Variants in DST observed in about 807,000 individuals in gnomAD.
DST encodes the protein bullous pemphigoid antigen.
DST carries 253 observed loss-of-function variants against 875.2 expected under a neutral mutation model. The ratio of observed to expected loss-of-function variants is 0.29; its 90% CI spans 0.26 to 0.32. The LOEUF (loss-of-function observed/expected upper bound fraction) is 0.32, where lower values mean the gene tolerates loss of function less well. Among genes scored for constraint, DST ranks in the 10% least tolerant of loss-of-function variants. The probability of loss-of-function intolerance (pLI) is 1.00; values close to 1 mark genes in which losing one functional copy is unlikely to be tolerated. For synonymous variants in DST, 3,124 were observed against 3,197.1 expected, an observed-to-expected ratio of 0.98 and a Z score of 0.77; for missense variants, 8,287 against 9,111.6, an observed-to-expected ratio of 0.91 and a Z score of 3.68.
chr6:56,771,813 T>C (rs1213103969), intron 4 of DST, among the ~76,000 whole-genome samples: 1 of 152,220 alleles, frequency 6.6e-6, no homozygotes, highest in African/African-American at 2.4e-5. Flanking sequence ...CATATACATG[T>C]ATACAAAACT....
At chr6:56,785,380 G>A (rs1298112765) in intron 4 of DST, among the ~76,000 whole-genome samples, 1 of 152,226 alleles carries the variant, frequency 6.6e-6, no homozygotes, top group Non-Finnish European at 1.5e-5. Flanking sequence ...CGATCTTCCA[G>A]GCTGCTTTGT....
intron 2 of DST, among the ~76,000 whole-genome samples, chr6:56,922,739 T>C (rs189670611): frequency 3.3e-5 from 5 of 152,324 alleles, no homozygotes; most frequent in Admixed American, 3.3e-4. Context: ...TTAGCAAATA[T>C]GACTTTTAAT....
chr6:56,564,539 C>A (rs969861276), intron 55 of DST, among the ~76,000 whole-genome samples: 5 of 152,212 alleles, frequency 3.3e-5, no homozygotes, highest in African/African-American at 1.2e-4. Flanking sequence ...TTGACTTCCT[C>A]TCTTCCTGTC....
intron 3 of DST, among the ~76,000 whole-genome samples, chr6:56,856,732 C>T (rs1768049865): frequency 6.6e-6 from 1 of 152,154 alleles, no homozygotes; most frequent in Admixed American, 6.5e-5. Context: ...GAAATCTGAA[C>T]ATGGAACTGG....
At position 56,570,030 on chromosome 6, in the gene DST, T is replaced by A. The variant is rs142116095; in HGVS notation, c.13722-18A>T. ...CTTCTTTTCTACATAACAAAAATCA[T>A]ACAAGAATTTAAGTCACAGAAAGAA... is the stretch of plus-strand genomic sequence containing the variant. On this transcript the variant is annotated intron_variant, in intron 53 of 103. Coordinates refer to ENST00000680361, the MANE Select transcript of DST (RefSeq NM_001374736.1). The A allele has an allele frequency of 2.6e-6, 4 of 1,527,692 alleles. No individual in the cohort carries two copies. Among genetic ancestry groups the A allele is most frequent in the East Asian group, 2.3e-5 (1 of 44,146 alleles). 94.6% of individuals were successfully genotyped at this position (1,527,692 alleles called of 1,614,324 possible).
chr6:56,701,971 A>T lies in DST; in HGVS notation c.877-6T>A. On this transcript the variant is annotated splice_region_variant and splice_polypyrimidine_tract_variant and intron_variant, in intron 7 of 103. Coordinates refer to ENST00000680361, the MANE Select transcript of DST (RefSeq NM_001374736.1). Reference sequence around the variant, plus strand: ...ATCCGACCTTTTTCTCTGGGCTAAGAACAGAAAAATGCAGGTATGAAAAAG... The same window carrying T: ...ATCCGACCTTTTTCTCTGGGCTAAGTACAGAAAAATGCAGGTATGAAAAAG... 6.3e-7 allele frequency: 1 copy of T among 1,594,972 alleles called. No homozygotes were observed. The highest frequency in any genetic ancestry group is 8.6e-7 in the Non-Finnish European group (1 of 1,164,134).
chr6:56,669,094 A>T (rs1219309500), intron 10 of DST, among the ~76,000 whole-genome samples: 1 of 152,040 alleles, frequency 6.6e-6, no homozygotes, highest in Non-Finnish European at 1.5e-5. Flanking sequence ...GAATGAGAGA[A>T]CACGAGTATA....
intron 28 of DST, 59 bp from the exon 29 acceptor site, chr6:56,632,099 TTA>T: frequency 7.1e-7 from 1 of 1,413,370 alleles, no homozygotes; most frequent in Non-Finnish European, 9.9e-7. Flanking sequence ...AAGCTTCTGT[TTA>T]TGTTTTAATA....
intron 31 of DST, among the ~76,000 whole-genome samples, chr6:56,629,865 C>T (rs985414267): frequency 6.6e-6 from 1 of 152,210 alleles, no homozygotes; most frequent in Non-Finnish European, 1.5e-5. Context: ...AAGAAATACA[C>T]ATAGATGAGT....
At chr6:56,880,730 TTC>T (rs1781714867) in intron 3 of DST, among the ~76,000 whole-genome samples, 1 of 151,394 alleles carries the variant, frequency 6.6e-6, no homozygotes, top group Non-Finnish European at 1.5e-5. Flanking sequence ...AGCAGTGCTG[TTC>T]TGTTTTTCAA....
At chr6:56,554,585 G>C (rs1378564838) in intron 60 of DST, among the ~76,000 whole-genome samples, 1 of 152,090 alleles carries the variant, frequency 6.6e-6, no homozygotes, top group African/African-American at 2.4e-5. Context: ...AAAGCTTTTA[G>C]TTTAATACCT....
chr6:56,827,917 C>T (rs547414813), intron 4 of DST, among the ~76,000 whole-genome samples: 3 of 152,228 alleles, frequency 2.0e-5, no homozygotes, highest in South Asian at 4.2e-4. Flanking sequence ...TTTCACTGTA[C>T]TTTTCCTTCT....
Position 56,492,934 on chromosome 6 carries a change from C to T in DST, c.20550G>A (p.Lys6850=). Residue 6850 remains lysine (K), a splice_region_variant and synonymous_variant, in exon 84 of 104, where the codon AAG becomes AAA. Transcript: ENST00000680361. ...CCTATCTATTTGACTCACTACATAC[C>T]TTGTGTTCGTCAATTTGAAATAAGA... ...DTVLFQIDEH[K]VFANEVNSHR... is the part of the protein sequence containing the mutation. 1.2e-6 allele frequency: 2 copies of T among 1,601,342 alleles called. No homozygotes were observed. Among genetic ancestry groups the T allele is most frequent in the Non-Finnish European group, 1.7e-6 (2 of 1,173,716 alleles).
chr6:56,657,485 T>A (rs760367655), intron 10 of DST, among the ~76,000 whole-genome samples: 27 of 151,966 alleles, frequency 1.8e-4, no homozygotes, highest in Non-Finnish European at 2.9e-4. Flanking sequence ...AGATATCTGA[T>A]CACTTGAAAA....
intron 4 of DST, among the ~76,000 whole-genome samples, chr6:56,785,370 C>T (rs1564170046): frequency 1.3e-5 from 2 of 152,236 alleles, no homozygotes; most frequent in African/African-American, 2.4e-5. Flanking sequence ...CCACCCAGTT[C>T]GATCTTCCAG....
At chr6:56,691,975 A>G (rs2099233520) in intron 9 of DST, among the ~76,000 whole-genome samples, 2 of 152,236 alleles carry the variant, frequency 1.3e-5, no homozygotes, top group Admixed American at 6.5e-5. Flanking sequence ...ATAATTTTAC[A>G]GTATCCTATT....
intron 9 of DST, among the ~76,000 whole-genome samples, chr6:56,671,045 T>C (rs971303581): frequency 3.3e-5 from 5 of 152,336 alleles, no homozygotes; most frequent in African/African-American, 1.2e-4. Context: ...TATTTAGCCC[T>C]CATACCTCTC....
chr6:56,776,603 C>T (rs923609050), intron 4 of DST, among the ~76,000 whole-genome samples: 1 of 152,034 alleles, frequency 6.6e-6, no homozygotes, highest in South Asian at 2.1e-4. Context: ...CTATTTAATA[C>T]TATTGTAAAA....
Position 56,812,944 on chromosome 6 carries a change from T to C in DST, c.625+38453A>G, listed in dbSNP as rs570116304. ...AAAGACACATGCACACGTATGTTTA[T>C]TGCGGCACTATTCACAATAGCAAAG... On this transcript the variant is annotated intron_variant, in intron 4 of 103. Coordinates refer to ENST00000680361, the MANE Select transcript of DST (RefSeq NM_001374736.1). Among the ~76,000 whole-genome samples, 481 of 151,898 alleles carry C rather than the reference T, an allele frequency of 3.2e-3. 2 individuals are homozygous for C. Among genetic ancestry groups the C allele is most frequent in the Non-Finnish European group, 3.6e-3 (246 of 67,930 alleles).
Sources: allele counts gnomAD v4.1 joint callset (sites outside exome capture counted in the v4.1 genomes callset), GRCh38; gene constraint gnomAD v4.1.1; transcripts MANE v1.5; gene names NCBI Gene and HGNC (gene_info 2026-07-23, HGNC 2026-07-21).